MYLK4: variants seen among roughly 807,000 people sequenced by gnomAD.
The protein encoded by MYLK4 is myosin light chain kinase family member 4, also known as caMLCK like.
Under a neutral mutation model 48.1 loss-of-function variants are expected in MYLK4, and 46 were observed. The observed-to-expected ratio is 0.96, with a 90% CI of 0.75 to 1.22. The LOEUF (loss-of-function observed/expected upper bound fraction) is 1.22. Among genes scored for constraint, MYLK4 ranks in the 50% most tolerant of loss-of-function variants. The pLI, the probability that MYLK4 is intolerant of heterozygous loss-of-function variation, is 0.00. For synonymous variants in MYLK4, 170 were observed against 180.8 expected, an observed-to-expected ratio of 0.94 and a Z score of 0.48; for missense variants, 451 against 486.1, an observed-to-expected ratio of 0.93 and a Z score of 0.68.
intron 2 of MYLK4, among the ~76,000 whole-genome samples, chr6:2,731,812 T>A (rs1763488592): frequency 6.6e-6 from 1 of 152,256 alleles, no homozygotes; most frequent in South Asian, 2.1e-4. Context: ...GCGTAGGTTA[T>A]CTTTTATTAT....
chr6:2,753,124 C>A (rs1392644886), upstream of MYLK4, among the ~76,000 whole-genome samples: 1 of 152,158 alleles, frequency 6.6e-6, no homozygotes, highest in Non-Finnish European at 1.5e-5. Flanking sequence ...TGGAGTTATA[C>A]TTCTCTAAAA....
intron 2 of MYLK4, among the ~76,000 whole-genome samples, chr6:2,716,436 T>A (rs1762868682): frequency 6.6e-6 from 1 of 152,216 alleles, no homozygotes; most frequent in Admixed American, 6.5e-5. Context: ...CTCAAAGAAA[T>A]CACAAGAAGC....
intron 2 of MYLK4, among the ~76,000 whole-genome samples, chr6:2,734,024 C>A (rs1002870737): frequency 7.9e-5 from 12 of 152,048 alleles, no homozygotes; most frequent in African/African-American, 2.2e-4. Context: ...CCCAAACGGA[C>A]CACAGACTCC....
At chr6:2,700,630 G>C (rs1473081159) in intron 2 of MYLK4, among the ~76,000 whole-genome samples, 5 of 152,106 alleles carry the variant, frequency 3.3e-5, no homozygotes, top group Non-Finnish European at 5.9e-5. Context: ...TGGAAATGAG[G>C]CCAAGGTAAA....
chr6:2,731,234 C>T (rs1397583570), intron 2 of MYLK4, among the ~76,000 whole-genome samples: 1 of 150,738 alleles, frequency 6.6e-6, no homozygotes, highest in Non-Finnish European at 1.5e-5. Flanking sequence ...CCTGGAACTG[C>T]TAGAATGAAC....
At chr6:2,704,344 G>A (rs999437773) in intron 2 of MYLK4, among the ~76,000 whole-genome samples, 39 of 152,132 alleles carry the variant, frequency 2.6e-4, no homozygotes, top group Admixed American at 2.1e-3. Flanking sequence ...TCCATGCAGC[G>A]CAATCTGTTG....
chr6:2,715,002 C>G (rs1327894106), intron 2 of MYLK4, among the ~76,000 whole-genome samples: 3 of 152,100 alleles, frequency 2.0e-5, no homozygotes, highest in African/African-American at 4.8e-5. Context: ...TGGTGGCTCA[C>G]TCCTATAATC....
chr6:2,759,256 C>G, the MYLK4 span, among the ~76,000 whole-genome samples: 19,359 of 152,078 alleles, frequency 0.13, 1,605 homozygotes, highest in East Asian at 0.32. Flanking sequence ...GTGCACAATA[C>G]CACGCCAAGC....
At chr6:2,681,915 A>T (rs1761319953) in intron 7 of MYLK4, among the ~76,000 whole-genome samples, 1 of 152,260 alleles carries the variant, frequency 6.6e-6, no homozygotes, top group Non-Finnish European at 1.5e-5. Context: ...ATCTACATTC[A>T]ATGAAAATGC....
chr6:2,765,331 G>A, the MYLK4 span: 2 of 253,270 alleles, frequency 7.9e-6, no homozygotes, highest in East Asian at 7.9e-5. Context: ...AACGGCCACG[G>A]ACTACACTTA....
chr6:2,732,615 C>T (rs563410523), intron 2 of MYLK4, among the ~76,000 whole-genome samples: 1 of 152,154 alleles, frequency 6.6e-6, no homozygotes, highest in East Asian at 1.9e-4. Flanking sequence ...CTGCAGTGGC[C>T]CTAGGAACAT....
chr6:2,718,252 A>C (rs1762943232), intron 2 of MYLK4, among the ~76,000 whole-genome samples: 1 of 152,078 alleles, frequency 6.6e-6, no homozygotes, highest in Admixed American at 6.5e-5. Context: ...GCGGTCTCCA[A>C]ACCTACACCA....
At chr6:2,708,137 A>G (rs778440293) in intron 2 of MYLK4, among the ~76,000 whole-genome samples, 1 of 152,210 alleles carries the variant, frequency 6.6e-6, no homozygotes, top group Non-Finnish European at 1.5e-5. Flanking sequence ...ATAATGTTAA[A>G]GTCAGTTTCA....
At chr6:2,721,571 A>G (rs139155073) in intron 2 of MYLK4, among the ~76,000 whole-genome samples, 13 of 150,440 alleles carry the variant, frequency 8.6e-5, no homozygotes, top group African/African-American at 2.9e-4. Flanking sequence ...TTAGAGAGGC[A>G]TGCATCGCAA....
Position 2,685,615 on chromosome 6 carries a change from G to T in MYLK4, c.342-39C>A, listed in dbSNP as rs1761506398. 2.5e-6 allele frequency: 4 copies of T among 1,596,502 alleles called. No individual in the cohort carries two copies. Among genetic ancestry groups the T allele is most frequent in the Middle Eastern group, 3.3e-4 (2 of 5,994 alleles). The stretch of plus-strand genomic sequence containing the variant: ...GAAGCGGCGTAGCATGAGGCCCTGT[G>T]GTCAGCTGCCGAGTGGACAGCGCAC... On this transcript the variant is annotated intron_variant, in intron 4 of 12. Transcript: ENST00000274643. This position sits in a 1 kb window ranked among gnomAD's most constrained non-coding sequence, Gnocchi z 4.5.
chr6:2,723,014 G>A (rs903566928), intron 2 of MYLK4, among the ~76,000 whole-genome samples: 9 of 152,016 alleles, frequency 5.9e-5, no homozygotes, highest in Non-Finnish European at 1.3e-4. Flanking sequence ...AGCTGAGTCT[G>A]GGCATGGTGG....
In MYLK4 at chr6:2,685,489, C is replaced by T. The variant is rs748441737; in HGVS notation, c.429G>A (p.Lys143=). The part of the protein sequence containing the change: ...AAKIIKTRGM[K]DKEEVKNEIS... ...CACCTCCCACAGGCTGTACCTTGTCCTTCATGCCTCTGGTCTTGATGATTT... is the reference window on the plus strand; with the variant it reads ...CACCTCCCACAGGCTGTACCTTGTCTTTCATGCCTCTGGTCTTGATGATTT... Residue 143 remains lysine (K), a synonymous_variant, in exon 5 of 13, where the codon AAG becomes AAA. Coordinates refer to ENST00000274643, the MANE Select transcript of MYLK4 (RefSeq NM_001012418.5). The surrounding 1 kb of genome is among the most constrained non-coding windows in gnomAD (Gnocchi z 4.5). 27 of 1,614,002 alleles carry T rather than the reference C, an allele frequency of 1.7e-5. No homozygotes were observed. Among genetic ancestry groups the T allele is most frequent in the African/African-American group, 4.0e-5 (3 of 74,920 alleles).
the MYLK4 span, among the ~76,000 whole-genome samples, chr6:2,763,771 C>T: frequency 6.6e-6 from 1 of 152,108 alleles, no homozygotes; most frequent in Non-Finnish European, 1.5e-5. Context: ...GACGCCAAGG[C>T]AGAGGAGGCG....
chr6:2,680,301 GA>G lies in MYLK4; in HGVS notation c.688-11del, dbSNP rs751831444. 8 of 1,613,758 alleles carry G rather than the reference GA, an allele frequency of 5.0e-6. No individual in the cohort carries two copies. The highest frequency in any genetic ancestry group is 6.8e-6 in the Non-Finnish European group (8 of 1,179,974). On this transcript the variant is annotated splice_polypyrimidine_tract_variant and intron_variant, in intron 7 of 12. Transcript: ENST00000274643. The stretch of plus-strand genomic sequence containing the variant: ...ACAGGATATTCTCAGGCTGCCAGGA[GA>G]AAGAGACACATTAGCAATGAAAACA...
Sources: allele counts gnomAD v4.1 joint callset (sites outside exome capture counted in the v4.1 genomes callset), GRCh38; gene constraint gnomAD v4.1.1; non-coding constraint Gnocchi (gnomAD v3.1); transcripts MANE v1.5; gene names NCBI Gene and HGNC (gene_info 2026-07-23, HGNC 2026-07-21).